GRPR: variants seen among roughly 807,000 people sequenced by gnomAD.
GRPR encodes the protein gastrin releasing peptide receptor, also known as gastrin-releasing peptide receptor.
A neutral mutation model predicts 15.6 loss-of-function variants in GRPR; 4 were observed. The observed-to-expected ratio is 0.26, with a 90% CI of 0.13 to 0.59. The LOEUF (loss-of-function observed/expected upper bound fraction) is 0.59, where lower values mean the gene tolerates loss of function less well. Among genes scored for constraint, GRPR ranks in the 20% least tolerant of loss-of-function variants. The pLI, the probability that GRPR is intolerant of heterozygous loss-of-function variation, is 0.90. For missense variants in GRPR, 270 were observed against 304.1 expected, an observed-to-expected ratio of 0.89 and a Z score of 0.83; for synonymous variants, 128 against 126.8, an observed-to-expected ratio of 1.01 and a Z score of -0.06.
intron 1 of GRPR, 23 bp downstream of exon 1, chrX:16,124,389 A>G: frequency 8.5e-7 from 1 of 1,182,677 alleles, no homozygotes; most frequent in Non-Finnish European, 1.1e-6. Flanking sequence ...TGAAAGTTAC[A>G]TGCTCTCCAA....
chrX:16,135,716 C>CT (rs1422946114), intron 1 of GRPR, among the ~76,000 whole-genome samples: 1 of 112,174 alleles, frequency 8.9e-6, no homozygotes. Flanking sequence ...TAAATACAAT[C>CT]TTAAAACAAT....
At chrX:16,146,398 T>G (rs1011286413) in intron 1 of GRPR, among the ~76,000 whole-genome samples, 7 of 111,520 alleles carry the variant, frequency 6.3e-5, no homozygotes, top group African/African-American at 2.0e-4. Context: ...TTATCTCAGC[T>G]TCTCCTCTTA....
rs775938874 is a variant in GRPR, at chrX:16,134,548, T to TTGAACAGA, written c.413+10184_413+10191dup. Reference sequence around the variant, plus strand: ...GCATTACATCTGATGCAGTCAGGGATTGAACAGATTGAAGGATGGACTTTG... The same window carrying TTGAACAGA: ...GCATTACATCTGATGCAGTCAGGGATTGAACAGATGAACAGATTGAAGGATGGACTTTG... On this transcript the variant is annotated intron_variant, in intron 1 of 2. Transcript: ENST00000380289. Among the ~76,000 whole-genome samples the TTGAACAGA allele has an allele frequency of 2.7e-5, 3 of 111,585 alleles. No homozygotes were observed. In the East Asian group the frequency reaches 8.5e-4, roughly 32 times the overall value.
At chrX:16,127,936 G>A (rs1369731362) in intron 1 of GRPR, among the ~76,000 whole-genome samples, 1 of 111,642 alleles carries the variant, frequency 9.0e-6, no homozygotes, top group Non-Finnish European at 1.9e-5. Context: ...GAATTATCTT[G>A]TGACACCTTT....
At position 16,152,339 on chromosome X, in the gene GRPR, C is replaced by T. The variant is rs372930683; in HGVS notation, c.849C>T (p.Ile283=). 1.2e-5 allele frequency: 15 copies of T among 1,205,432 alleles called. No homozygotes were observed. Among genetic ancestry groups the T allele is most frequent in the Non-Finnish European group, 1.7e-5 (15 of 891,279 alleles). ...FAFCWLPNHV[I]YLYRSYHYSE... is the part of the protein sequence containing the mutation. ...TCTGCTGGCTCCCCAATCATGTCAT[C>T]TACCTGTACCGCTCCTACCACTACT... is the stretch of plus-strand genomic sequence containing the variant. The change falls in exon 3 of 3, where the codon ATC becomes ATT. Residue 283 remains isoleucine (I), a synonymous_variant. Transcript: ENST00000380289.
intron 1 of GRPR, among the ~76,000 whole-genome samples, chrX:16,139,220 C>G (rs1601944351): frequency 8.9e-6 from 1 of 112,206 alleles, no homozygotes; most frequent in Non-Finnish European, 1.9e-5. Flanking sequence ...GATTCCTAGT[C>G]AAAAGAGTGA....
chrX:16,142,725 G>C (rs1429657779), intron 1 of GRPR, among the ~76,000 whole-genome samples: 3 of 110,758 alleles, frequency 2.7e-5, no homozygotes, highest in Admixed American at 9.6e-5. Context: ...AAGAATGGGG[G>C]TTGGTATACT....
intron 1 of GRPR, among the ~76,000 whole-genome samples, chrX:16,128,143 G>A (rs1419006275): frequency 6.2e-5 from 7 of 112,320 alleles, no homozygotes; most frequent in Admixed American, 1.9e-4. Context: ...TTAAAATTAC[G>A]TTTAGTTAAT....
intron 1 of GRPR, among the ~76,000 whole-genome samples, chrX:16,126,531 G>T (rs1051276377): frequency 9.0e-6 from 1 of 111,689 alleles, no homozygotes; most frequent in African/African-American, 3.3e-5. Context: ...CTATAGAACT[G>T]CATAACCAGA....
rs139007502 is a variant in GRPR, at chrX:16,128,911, C to T, written c.413+4545C>T. Among the ~76,000 whole-genome samples, 300 of 111,982 alleles carry T rather than the reference C, an allele frequency of 2.7e-3. 1 individual carries two copies. The highest frequency in any genetic ancestry group is 8.2e-3 in the African/African-American group (254 of 30,816). ...ATGAAATTTGAGACCTGAATTGGACCCTCAACAGAAAAAGGGTGAGCGTGG... is the reference window on the plus strand; with the variant it reads ...ATGAAATTTGAGACCTGAATTGGACTCTCAACAGAAAAAGGGTGAGCGTGG... On this transcript the variant is annotated intron_variant, in intron 1 of 2. Coordinates refer to ENST00000380289, the MANE Select transcript of GRPR (RefSeq NM_005314.3).
chrX:16,152,327 C>G lies in GRPR; in HGVS notation c.837C>G (p.Pro279=), dbSNP rs750021328. Residue 279 remains proline, a synonymous_variant, in exon 3 of 3, where the codon CCC becomes CCG. Coordinates refer to ENST00000380289, the MANE Select transcript of GRPR (RefSeq NM_005314.3). ...FVGLFAFCWL[P]NHVIYLYRSY... ...GCCTGTTCGCCTTCTGCTGGCTCCC[C>G]AATCATGTCATCTACCTGTACCGCT... The G allele has an allele frequency of 3.3e-6, 4 of 1,204,213 alleles. No individual in the cohort carries two copies. In the African/African-American group the frequency reaches 7.0e-5, roughly 21 times the overall value.
At chrX:16,151,539 A>G in intron 2 of GRPR, among the ~76,000 whole-genome samples, 1 of 111,501 alleles carries the variant, frequency 9.0e-6, no homozygotes, top group Admixed American at 9.5e-5. Flanking sequence ...GCAGTTTCTA[A>G]TGAAACTACC....
Position 16,150,669 on chromosome X carries a change from G to A in GRPR, c.765+13G>A. 1 of 972,395 alleles carries A rather than the reference G, an allele frequency of 1.0e-6. No homozygotes were observed. The highest frequency in any genetic ancestry group is 1.5e-6 in the Non-Finnish European group (1 of 677,161). 80.1% of individuals were successfully genotyped at this position (972,395 alleles called of 1,213,427 possible). ...TGTCAAGAAGCAGGTAGGTGCTCAG[G>A]ATTGATTCATTTCCTCCTTGGGGAT... On this transcript the variant is annotated intron_variant, in intron 2 of 2. Coordinates refer to ENST00000380289, the MANE Select transcript of GRPR (RefSeq NM_005314.3).
At chrX:16,135,482 T>C (rs1430750010) in intron 1 of GRPR, among the ~76,000 whole-genome samples, 1 of 112,312 alleles carries the variant, frequency 8.9e-6, no homozygotes, top group Non-Finnish European at 1.9e-5. Flanking sequence ...AAATGCAAAA[T>C]TTGTCACATA....
intron 2 of GRPR, among the ~76,000 whole-genome samples, chrX:16,151,140 C>T (rs764964587): frequency 8.9e-6 from 1 of 111,874 alleles, no homozygotes; most frequent in South Asian, 3.8e-4. Context: ...TATTCAGCCT[C>T]TCTGAGCCTC....
intron 1 of GRPR, among the ~76,000 whole-genome samples, chrX:16,138,645 A>G (rs1230510848): frequency 1.8e-5 from 2 of 112,336 alleles, no homozygotes. Context: ...AAGTTGCATG[A>G]TAACAAGCTT....
chrX:16,132,522 T>C (rs1445293855), intron 1 of GRPR, among the ~76,000 whole-genome samples: 1 of 111,957 alleles, frequency 8.9e-6, no homozygotes, highest in African/African-American at 3.2e-5. Context: ...TCTGTCATAC[T>C]TGTTTTCTTA....
intron 1 of GRPR, among the ~76,000 whole-genome samples, chrX:16,135,817 A>T (rs185127193): frequency 1.6e-4 from 18 of 112,426 alleles, no homozygotes; most frequent in African/African-American, 5.8e-4. Context: ...GGTGATCAGA[A>T]CAGATTTCTA....
chrX:16,124,930 T>G (rs1179842995), intron 1 of GRPR, among the ~76,000 whole-genome samples: 1 of 112,741 alleles, frequency 8.9e-6, no homozygotes, highest in African/African-American at 3.2e-5. Context: ...GTATGCCGGT[T>G]TTCCTAAGTC....
Sources: gnomAD v4.1 joint callset for allele counts (sites outside exome capture counted in the v4.1 genomes callset) on GRCh38, gnomAD v4.1.1 for gene constraint, MANE v1.5 for transcripts, NCBI Gene and HGNC (gene_info 2026-07-23, HGNC 2026-07-21) for gene names.